Variants in ELOVL5 observed in about 807,000 individuals in gnomAD.
The protein encoded by ELOVL5 is ELOVL fatty acid elongase 5.
ELOVL5 carries 8 observed loss-of-function variants against 38.6 expected under a neutral mutation model. That is an observed-to-expected ratio of 0.21 (90% CI 0.12 to 0.37). The LOEUF is 0.37. Ranked by LOEUF, ELOVL5 falls within the 10% of genes least tolerant of loss-of-function variation. The pLI, the probability that ELOVL5 is intolerant of heterozygous loss-of-function variation, is 1.00. For synonymous variants in ELOVL5, 127 were observed against 133.7 expected (o/e 0.95, Z 0.34); for missense variants, 280 against 367.8 (o/e 0.76, Z 1.95).
chr6:53,295,392 A>C (rs555492414), intron 2 of ELOVL5, among the ~76,000 whole-genome samples: 66 of 152,336 alleles, frequency 4.3e-4, no homozygotes, highest in South Asian at 1.9e-3. Context: ...GATAATGGTG[A>C]AATCTATAGT....
At chr6:53,324,488 C>A (rs1303434545) in intron 1 of ELOVL5, among the ~76,000 whole-genome samples, 1 of 151,612 alleles carries the variant, frequency 6.6e-6, no homozygotes, top group Middle Eastern at 3.4e-3. Context: ...CCAGCCTGGG[C>A]AACATGGAGA....
chr6:53,348,162 G>A (rs1437143413), intron 1 of ELOVL5, among the ~76,000 whole-genome samples: 2 of 152,122 alleles, frequency 1.3e-5, no homozygotes, highest in South Asian at 2.1e-4. Context: ...TGAGTACCAA[G>A]GGCTGCCGTT....
chr6:53,286,250 G>T (rs1460509823), intron 3 of ELOVL5, among the ~76,000 whole-genome samples: 1 of 152,140 alleles, frequency 6.6e-6, no homozygotes, highest in Non-Finnish European at 1.5e-5. Flanking sequence ...TTGGCACACT[G>T]TTAATTGAAC....
intron 1 of ELOVL5, among the ~76,000 whole-genome samples, chr6:53,308,386 C>T (rs374571624): frequency 6.6e-6 from 1 of 152,298 alleles, no homozygotes; most frequent in African/African-American, 2.4e-5. Flanking sequence ...CTCTGGTGTT[C>T]CCATTTTATC....
At chr6:53,339,458 T>C (rs1746273098) in intron 1 of ELOVL5, among the ~76,000 whole-genome samples, 1 of 152,246 alleles carries the variant, frequency 6.6e-6, no homozygotes, top group African/African-American at 2.4e-5. Context: ...ACAGTGGCCC[T>C]TAATGGGGCC....
chr6:53,275,391 T>G, intron 4 of ELOVL5, 130 bp from the exon 5 acceptor site: 8 of 830,692 alleles, frequency 9.6e-6, no homozygotes, highest in East Asian at 2.7e-5. Flanking sequence ...CAAGAGCTCT[T>G]AATGTCCATC....
At chr6:53,285,391 T>C (rs1003771035) in intron 3 of ELOVL5, among the ~76,000 whole-genome samples, 16 of 152,288 alleles carry the variant, frequency 1.1e-4, no homozygotes, top group Admixed American at 3.3e-4. Flanking sequence ...GGAGAGGTGA[T>C]GAAGCTGCAG....
chr6:53,278,704 C>G (rs1478147669), intron 3 of ELOVL5, among the ~76,000 whole-genome samples: 6 of 152,102 alleles, frequency 3.9e-5, no homozygotes, highest in Admixed American at 3.9e-4. Flanking sequence ...TGACCTAGGC[C>G]CACCATTCCT....
Position 53,270,719 on chromosome 6 carries a change from A to C in ELOVL5, c.630T>G (p.Phe210Leu), listed in dbSNP as rs1202817866. The change falls in exon 7 of 8, where the codon TTT (phenylalanine) becomes TTG (leucine). Residue 210 changes from phenylalanine to leucine, a missense_variant. Physicochemically the swap from Phe to Leu is conservative, Grantham distance 22 (BLOSUM62 0). Around this residue, in one of 3 missense-constraint regions of ELOVL5, gnomAD observed 125 missense variants for 158.9 expected, o/e 0.79. Transcript: ENST00000304434. ...AGCTGGTCTGGATGATTGTCAGCAC[A>C]AACTGAAGCTAGGGGAACAGAGGGG... The part of the protein sequence containing the change: ...KYITQGQLLQ[F>L]VLTIIQTSCG... 2 of 1,614,194 alleles carry C rather than the reference A, an allele frequency of 1.2e-6. No homozygotes were observed. The highest frequency in any genetic ancestry group is 1.7e-6 in the Non-Finnish European group (2 of 1,180,016).
At chr6:53,270,533 A>C in intron 7 of ELOVL5, 60 bp downstream of exon 7, 1 of 1,577,066 alleles carries the variant, frequency 6.3e-7, no homozygotes, top group Non-Finnish European at 8.7e-7. Flanking sequence ...AAGTAAATAG[A>C]TGAGGGCCTT....
intron 1 of ELOVL5, among the ~76,000 whole-genome samples, chr6:53,336,703 A>G (rs1330594162): frequency 6.6e-6 from 1 of 152,172 alleles, no homozygotes; most frequent in Non-Finnish European, 1.5e-5. Flanking sequence ...GTGCCTAGAC[A>G]TCAAAGTTCA....
At chr6:53,296,870 C>A (rs1370593388) in intron 1 of ELOVL5, among the ~76,000 whole-genome samples, 1 of 152,218 alleles carries the variant, frequency 6.6e-6, no homozygotes, top group Non-Finnish European at 1.5e-5. Context: ...AGCTGTTAAT[C>A]ATTTAGCAAT....
At chr6:53,323,781 C>T (rs1482611813) in intron 1 of ELOVL5, among the ~76,000 whole-genome samples, 1 of 152,084 alleles carries the variant, frequency 6.6e-6, no homozygotes, top group African/African-American at 2.4e-5. Flanking sequence ...CAGGGTTTCT[C>T]CATGTTGGTC....
At chr6:53,274,192 T>C (rs1230292332) in intron 5 of ELOVL5, among the ~76,000 whole-genome samples, 1 of 152,132 alleles carries the variant, frequency 6.6e-6, no homozygotes. Context: ...GGGCTGTTTC[T>C]ATTAGAAAGT....
intron 1 of ELOVL5, among the ~76,000 whole-genome samples, chr6:53,318,276 C>A (rs1402893768): frequency 1.3e-5 from 2 of 152,152 alleles, no homozygotes; most frequent in African/African-American, 2.4e-5. Context: ...ATAGCTGAAT[C>A]CACGTTAACC....
chr6:53,339,631 C>A (rs186414249), intron 1 of ELOVL5, among the ~76,000 whole-genome samples: 1 of 152,272 alleles, frequency 6.6e-6, no homozygotes, highest in East Asian at 1.9e-4. Flanking sequence ...GACATCATAG[C>A]ACAATAAAAC....
chr6:53,289,099 A>G (rs937649957), intron 3 of ELOVL5, among the ~76,000 whole-genome samples: 148 of 152,270 alleles, frequency 9.7e-4, no homozygotes, highest in African/African-American at 3.4e-3. Flanking sequence ...TTTAAGTGAC[A>G]GTTAATTTTA....
At chr6:53,322,137 T>C (rs1398286740) in intron 1 of ELOVL5, among the ~76,000 whole-genome samples, 1 of 152,230 alleles carries the variant, frequency 6.6e-6, no homozygotes, top group South Asian at 2.1e-4. Context: ...TAAATATCTA[T>C]TCTGTCTGGG....
intron 3 of ELOVL5, among the ~76,000 whole-genome samples, chr6:53,291,066 C>T (rs1024278054): frequency 6.6e-6 from 1 of 152,166 alleles, no homozygotes; most frequent in Admixed American, 6.6e-5. Context: ...GGAAGCTTTC[C>T]TCCCCCTTTT....
Sources: allele counts gnomAD v4.1 joint callset (sites outside exome capture counted in the v4.1 genomes callset), GRCh38; gene constraint gnomAD v4.1.1; regional missense constraint gnomAD v4.1.1; transcripts MANE v1.5; gene names NCBI Gene and HGNC (gene_info 2026-07-23, HGNC 2026-07-21).